The following SHISAL2A variants were observed in gnomAD, a reference collection of about 807,000 sequenced individuals.
The protein encoded by SHISAL2A is shisa like 2A, also known as protein shisa-like-2A.
SHISAL2A carries 18 observed loss-of-function variants against 11.5 expected under a neutral mutation model. The observed-to-expected ratio is 1.57, with a 90% CI of 1.08 to 2.33. The LOEUF is 2.33. Among genes scored for constraint, SHISAL2A ranks in the 30% most tolerant of loss-of-function variants. SHISAL2A has a pLI of 0.00. For missense variants in SHISAL2A, 261 were observed against 250.9 expected (o/e 1.04, Z -0.27); for synonymous variants, 94 against 99.6 (o/e 0.94, Z 0.34).
downstream of SHISAL2A, among the ~76,000 whole-genome samples, chr1:52,661,522 G>A (rs1691907090): frequency 6.6e-6 from 1 of 152,218 alleles, no homozygotes; most frequent in Non-Finnish European, 1.5e-5. Context: ...AAGCCAGGCT[G>A]CAGGCCACAG....
intron 4 of SHISAL2A, among the ~76,000 whole-genome samples, chr1:52,663,096 C>T (rs1479362318): frequency 6.6e-6 from 1 of 152,186 alleles, no homozygotes; most frequent in African/African-American, 2.4e-5. Flanking sequence ...CCATGGAAGC[C>T]GTAAGCCCCT....
At chr1:52,661,275 C>T (rs1449183739), downstream of SHISAL2A, among the ~76,000 whole-genome samples, 1 of 152,234 alleles carries the variant, frequency 6.6e-6, no homozygotes, top group African/African-American at 2.4e-5. Flanking sequence ...GCTTCCTGTT[C>T]TCTGTAACAT....
At chr1:52,660,988 A>G (rs1691897300), downstream of SHISAL2A, among the ~76,000 whole-genome samples, 1 of 152,214 alleles carries the variant, frequency 6.6e-6, no homozygotes, top group South Asian at 2.1e-4. Context: ...GGTTTCTGGT[A>G]CAAGATGAGG....
chr1:52,637,893 G>A (rs1010451850), intron 1 of SHISAL2A, among the ~76,000 whole-genome samples: 5 of 151,960 alleles, frequency 3.3e-5, no homozygotes, highest in East Asian at 3.9e-4. Context: ...TCGAAGACTC[G>A]AGGCTCTCTA....
At chr1:52,646,813 T>G (rs1242981829) in intron 2 of SHISAL2A, among the ~76,000 whole-genome samples, 2 of 152,130 alleles carry the variant, frequency 1.3e-5, no homozygotes, top group African/African-American at 4.8e-5. Flanking sequence ...GTGATTTCAC[T>G]GTTTTGTTTT....
chr1:52,638,184 G>A (rs1275001601), intron 1 of SHISAL2A, among the ~76,000 whole-genome samples: 2 of 152,072 alleles, frequency 1.3e-5, no homozygotes, highest in Admixed American at 6.6e-5. Context: ...ACTGACCTCC[G>A]ATCTGGAATG....
At chr1:52,654,199 C>T (rs1484671417) in intron 2 of SHISAL2A, among the ~76,000 whole-genome samples, 1 of 150,056 alleles carries the variant, frequency 6.7e-6, no homozygotes, top group Non-Finnish European at 1.5e-5. Context: ...GTGTGAGCCA[C>T]TGTGCCTGGC....
intron 1 of SHISAL2A, among the ~76,000 whole-genome samples, chr1:52,640,925 G>C (rs548804071): frequency 6.6e-6 from 1 of 152,258 alleles, no homozygotes; most frequent in Admixed American, 6.5e-5. Flanking sequence ...CAACCTCCAG[G>C]GAGGGGAGAG....
intron 4 of SHISAL2A, among the ~76,000 whole-genome samples, chr1:52,662,857 G>C (rs1160074144): frequency 6.6e-6 from 1 of 152,158 alleles, no homozygotes; most frequent in Non-Finnish European, 1.5e-5. Context: ...AAGACTGCTA[G>C]GTTAAATAGA....
intron 2 of SHISAL2A, among the ~76,000 whole-genome samples, chr1:52,643,882 G>A (rs10888750): frequency 2.1e-5 from 3 of 142,164 alleles, no homozygotes; most frequent in Admixed American, 1.4e-4. Context: ...GAGAGAAAGA[G>A]AGAGAGAGAG....
intron 4 of SHISAL2A, among the ~76,000 whole-genome samples, chr1:52,665,138 G>A (rs1320845241): frequency 6.6e-6 from 1 of 152,050 alleles, no homozygotes; most frequent in Non-Finnish European, 1.5e-5. Flanking sequence ...AAGTTGTGAT[G>A]TGCTCGACAG....
chr1:52,643,591 A>G lies in SHISAL2A; in HGVS notation c.322+589A>G, dbSNP rs1006887632. Among the ~76,000 whole-genome samples, 6 of 152,316 alleles carry G rather than the reference A, an allele frequency of 3.9e-5. No homozygotes were observed. In the East Asian group the frequency reaches 1.2e-3, roughly 29 times the overall value. ...GTCTCTGGGCTAGGCGCGGTGGCTC[A>G]CGCCTGTAATCCCAGCACTTTGGGA... is the stretch of plus-strand genomic sequence containing the variant. On this transcript the variant is annotated intron_variant, in intron 2 of 2. Coordinates refer to ENST00000517870, the MANE Select transcript of SHISAL2A (RefSeq NM_001042693.3).
chr1:52,653,517 G>A (rs1691720877), intron 2 of SHISAL2A, among the ~76,000 whole-genome samples: 1 of 152,012 alleles, frequency 6.6e-6, no homozygotes, highest in South Asian at 2.1e-4. Context: ...GCTGAGGTGG[G>A]AGGATCCCTT....
chr1:52,643,500 G>T (rs931448396), intron 2 of SHISAL2A, among the ~76,000 whole-genome samples: 10 of 152,098 alleles, frequency 6.6e-5, no homozygotes, highest in African/African-American at 2.4e-4. Context: ...ATAAAGTGTT[G>T]CTTTTTCACA....
chr1:52,649,717 A>G (rs192435516), intron 2 of SHISAL2A, among the ~76,000 whole-genome samples: 14 of 151,820 alleles, frequency 9.2e-5, no homozygotes, highest in Middle Eastern at 6.8e-3. Context: ...CTGCTCAACT[A>G]CTCTGCCTGG....
chr1:52,656,267 G>A (rs1265907286), intron 2 of SHISAL2A, among the ~76,000 whole-genome samples: 1 of 152,136 alleles, frequency 6.6e-6, no homozygotes, highest in Non-Finnish European at 1.5e-5. Flanking sequence ...GTATAGTGGG[G>A]GCAGAACAAA....
At chr1:52,666,002 C>G (rs1377087427) in intron 4 of SHISAL2A, among the ~76,000 whole-genome samples, 1 of 152,160 alleles carries the variant, frequency 6.6e-6, no homozygotes, top group Non-Finnish European at 1.5e-5. Context: ...TCTAGGCCAC[C>G]ACTATTTACA....
intron 2 of SHISAL2A, among the ~76,000 whole-genome samples, chr1:52,649,119 C>G (rs1294425723): frequency 6.6e-6 from 1 of 152,170 alleles, no homozygotes; most frequent in African/African-American, 2.4e-5. Context: ...AAGTGTTGGC[C>G]TCTCCTTCCC....
At chr1:52,639,537 A>T (rs1403665856) in intron 1 of SHISAL2A, among the ~76,000 whole-genome samples, 1 of 152,142 alleles carries the variant, frequency 6.6e-6, no homozygotes, top group Non-Finnish European at 1.5e-5. Flanking sequence ...GCGGATCACG[A>T]GGTCAGGAGA....
Sources: gnomAD v4.1 joint callset for allele counts (sites outside exome capture counted in the v4.1 genomes callset) on GRCh38, gnomAD v4.1.1 for gene constraint, MANE v1.5 for transcripts, NCBI Gene and HGNC (gene_info 2026-07-23, HGNC 2026-07-21) for gene names.